The following AXDND1 variants were observed in gnomAD, a reference collection of about 807,000 sequenced individuals.
AXDND1 encodes the protein axonemal dynein light chain domain-containing protein 1.
Under a neutral mutation model 137.5 loss-of-function variants are expected in AXDND1, and 110 were observed. The ratio of observed to expected loss-of-function variants is 0.80; its 90% CI spans 0.69 to 0.94. The LOEUF is 0.94. AXDND1 is among the 40% of genes least tolerant of loss of function. AXDND1 has a pLI of 0.00. For missense variants in AXDND1, 1,191 were observed against 1,169.8 expected (o/e 1.02, Z -0.26); for synonymous variants, 414 against 399.7 (o/e 1.04, Z -0.43).
chr1:179,378,767 G>A lies in AXDND1; in HGVS notation c.495+10G>A. 6.7e-7 allele frequency: 1 copy of A among 1,490,678 alleles called. No homozygotes were observed. Among genetic ancestry groups the A allele is most frequent in the Non-Finnish European group, 9.0e-7 (1 of 1,116,950 alleles). 92.3% of individuals were successfully genotyped at this position (1,490,678 alleles called of 1,614,324 possible). Reference sequence around the variant, plus strand: ...CATTGTGCCCCATAAGGTAAATAAAGTATTTGACAAATAATCTTCTCTCCC... The same window carrying A: ...CATTGTGCCCCATAAGGTAAATAAAATATTTGACAAATAATCTTCTCTCCC... On this transcript the variant is annotated intron_variant, in intron 5 of 25. Coordinates refer to ENST00000367618, the MANE Select transcript of AXDND1 (RefSeq NM_144696.6).
intron 17 of AXDND1, among the ~76,000 whole-genome samples, chr1:179,478,224 G>A (rs1042212435): frequency 6.6e-6 from 1 of 152,196 alleles, no homozygotes; most frequent in African/African-American, 2.4e-5. Context: ...TTTTCTCACA[G>A]CTCCACTAGG....
intron 21 of AXDND1, among the ~76,000 whole-genome samples, chr1:179,513,098 T>C (rs1669206903): frequency 6.6e-6 from 1 of 152,202 alleles, no homozygotes; most frequent in South Asian, 2.1e-4. Flanking sequence ...CAGTTCTATG[T>C]TGAAGAGGAG....
intron 23 of AXDND1, among the ~76,000 whole-genome samples, 173 bp from the exon 24 acceptor site, chr1:179,533,622 A>G (rs1160298098): frequency 7.9e-6 from 1 of 125,912 alleles, no homozygotes; most frequent in African/African-American, 2.8e-5. Flanking sequence ...ACCAGAGACA[A>G]TCCCTTTTTT....
At chr1:179,418,711 G>T (rs1401155431) in intron 12 of AXDND1, among the ~76,000 whole-genome samples, 1 of 150,300 alleles carries the variant, frequency 6.7e-6, no homozygotes, top group Non-Finnish European at 1.5e-5. Flanking sequence ...CTGGCCGGGC[G>T]GGGGGCTGAC....
At chr1:179,403,840 G>A (rs1001616891) in intron 11 of AXDND1, among the ~76,000 whole-genome samples, 2 of 152,196 alleles carry the variant, frequency 1.3e-5, no homozygotes, top group Admixed American at 6.5e-5. Flanking sequence ...GCATCCCAAA[G>A]TGCTGAGATT....
chr1:179,539,622 AT>A (rs1434199598), intron 25 of AXDND1, among the ~76,000 whole-genome samples: 1 of 151,760 alleles, frequency 6.6e-6, no homozygotes, highest in African/African-American at 2.4e-5. Context: ...TGCCCTTAAT[AT>A]TTTTTCCTTC....
At chr1:179,411,107 T>G in intron 11 of AXDND1, 39 bp from the exon 12 acceptor site, 1 of 1,460,170 alleles carries the variant, frequency 6.8e-7, no homozygotes, top group Non-Finnish European at 9.3e-7. Context: ...ATATTGTTAG[T>G]ATAAATTAAA....
intron 20 of AXDND1, among the ~76,000 whole-genome samples, chr1:179,499,207 G>A (rs1441451984): frequency 6.6e-6 from 1 of 151,960 alleles, no homozygotes; most frequent in South Asian, 2.1e-4. Context: ...TCCATCAATT[G>A]CGACTAGATA....
At chr1:179,438,814 C>T (rs145251566) in intron 15 of AXDND1, among the ~76,000 whole-genome samples, 2 of 152,300 alleles carry the variant, frequency 1.3e-5, no homozygotes, top group Admixed American at 1.3e-4. Flanking sequence ...CCAAAAAAAG[C>T]GACTGTGTCG....
At chr1:179,379,887 C>G (rs1431808973) in intron 6 of AXDND1, among the ~76,000 whole-genome samples, 1 of 151,478 alleles carries the variant, frequency 6.6e-6, no homozygotes, top group African/African-American at 2.4e-5. Context: ...ATAGTACACT[C>G]ATATTCCTGA....
chr1:179,419,043 A>G (rs1246492846), intron 12 of AXDND1, among the ~76,000 whole-genome samples: 1 of 150,778 alleles, frequency 6.6e-6, no homozygotes, highest in Non-Finnish European at 1.5e-5. Flanking sequence ...GACGCTCCTC[A>G]CTTCCTAGAT....
At chr1:179,528,001 G>A (rs1448767554) in intron 22 of AXDND1, among the ~76,000 whole-genome samples, 2 of 152,126 alleles carry the variant, frequency 1.3e-5, no homozygotes, top group Non-Finnish European at 2.9e-5. Context: ...AGCCCTTGGA[G>A]CACACTTTTA....
At chr1:179,440,650 CCAAT>C in intron 15 of AXDND1, among the ~76,000 whole-genome samples, 1 of 152,298 alleles carries the variant, frequency 6.6e-6, no homozygotes, top group Admixed American at 6.5e-5. Flanking sequence ...AAACACAGAA[CCAAT>C]CAATTTGTCT....
At chr1:179,425,553 T>C (rs1656421602) in intron 12 of AXDND1, among the ~76,000 whole-genome samples, 2 of 151,822 alleles carry the variant, frequency 1.3e-5, no homozygotes, top group South Asian at 4.2e-4. Context: ...GGAATCAACA[T>C]GATGGGGTCT....
rs192429188 is a variant in AXDND1, at chr1:179,481,230, G to A, written c.1998-1898G>A. On this transcript the variant is annotated intron_variant, in intron 17 of 25. Coordinates refer to ENST00000367618, the MANE Select transcript of AXDND1 (RefSeq NM_144696.6). ...TTCCCACCTATGAGTGAGAACATGC[G>A]ATGTTTGGTTTTTTGTCCTTGCGAT... Among the ~76,000 whole-genome samples the A allele has an allele frequency of 4.0e-3, 616 of 152,190 alleles. 7 individuals are homozygous for A. Among genetic ancestry groups the A allele is most frequent in the African/African-American group, 0.013 (523 of 41,502 alleles).
intron 11 of AXDND1, among the ~76,000 whole-genome samples, chr1:179,405,635 G>T (rs546361642): frequency 1.3e-5 from 2 of 151,936 alleles, no homozygotes; most frequent in African/African-American, 4.8e-5. Context: ...AGTATATCTA[G>T]TTTCTTCTAG....
At chr1:179,395,989 CA>C (rs1297516104) in intron 11 of AXDND1, among the ~76,000 whole-genome samples, 1 of 151,596 alleles carries the variant, frequency 6.6e-6, no homozygotes, top group Non-Finnish European at 1.5e-5. Flanking sequence ...GCCAACATGG[CA>C]AAACCCCATC....
Position 179,385,239 on chromosome 1 carries a change from T to A in AXDND1, c.743T>A (p.Met248Lys). 2 of 1,608,840 alleles carry A rather than the reference T, an allele frequency of 1.2e-6. No individual in the cohort carries two copies. Among genetic ancestry groups the A allele is most frequent in the Non-Finnish European group, 1.7e-6 (2 of 1,175,358 alleles). Reference protein sequence around the residue: ...ENQEYTGPTKMHKLLHILKKE... With the variant: ...ENQEYTGPTKKHKLLHILKKE... ...ATTATGTTACTTACCTTCTGACAGA[T>A]GCACAAACTACTACATATATTGAAG... is the stretch of plus-strand genomic sequence containing the variant. Residue 248 changes from methionine (M) to lysine (K), a missense_variant and splice_region_variant, in exon 9 of 26, where the codon ATG (methionine) becomes AAG (lysine). Transcript: ENST00000367618.
At chr1:179,414,082 AT>A (rs1239824672) in intron 12 of AXDND1, among the ~76,000 whole-genome samples, 2 of 152,118 alleles carry the variant, frequency 1.3e-5, no homozygotes, top group African/African-American at 4.8e-5. Flanking sequence ...TAAATATACA[AT>A]TTTTTAACAA....
Sources: allele counts gnomAD v4.1 joint callset (sites outside exome capture counted in the v4.1 genomes callset), GRCh38; gene constraint gnomAD v4.1.1; transcripts MANE v1.5; gene names NCBI Gene and HGNC (gene_info 2026-07-23, HGNC 2026-07-21).